The following CPNE1 variants were observed in gnomAD, a reference collection of about 807,000 sequenced individuals.
CPNE1 encodes copine-1.
A neutral mutation model predicts 63.2 loss-of-function variants in CPNE1; 58 were observed. That is an observed-to-expected ratio of 0.92 (90% CI 0.74 to 1.14). CPNE1 has a LOEUF of 1.14. Among genes scored for constraint, CPNE1 ranks in the 50% most tolerant of loss-of-function variants. CPNE1 has a pLI of 0.00. For missense variants in CPNE1, 672 were observed against 661.7 expected (o/e 1.02, Z -0.17); for synonymous variants, 237 against 249.0 (o/e 0.95, Z 0.45).
intron 1 of CPNE1, chr20:35,658,808 C>T: frequency 9.9e-6 from 4 of 403,812 alleles, no homozygotes; most frequent in South Asian, 2.5e-5. Flanking sequence ...CAAAAACACA[C>T]ACACACACAC....
chr20:35,632,556 A>G lies in CPNE1; in HGVS notation c.270T>C (p.Asp90=). The change falls in exon 3 of 16, where the codon GAT becomes GAC. Residue 90 remains aspartate (D), a synonymous_variant. Transcript: ENST00000397443. ...DIDNKTPELR[D]DDFLGGAECS... ...ACTCAGCACCCCCTAGGAAGTCATC[A>G]TCCCTCAGCTCTGGCGTCTTGTTGT... 1 of 1,614,074 alleles carries G rather than the reference A, an allele frequency of 6.2e-7. No homozygotes were observed. Among genetic ancestry groups the G allele is most frequent in the Non-Finnish European group, 8.5e-7 (1 of 1,179,962 alleles).
chr20:35,630,496 G>A lies in CPNE1; in HGVS notation c.1051-6C>T. 1 of 1,614,032 alleles carries A rather than the reference G, an allele frequency of 6.2e-7. No homozygotes were observed. Among genetic ancestry groups the A allele is most frequent in the Non-Finnish European group, 8.5e-7 (1 of 1,179,934 alleles). On this transcript the variant is annotated splice_polypyrimidine_tract_variant and splice_region_variant and intron_variant, in intron 12 of 15. Coordinates refer to ENST00000397443, the MANE Select transcript of CPNE1 (RefSeq NM_152925.3). ...AAGGCAAATTCATGCGAGACCTGGA[G>A]ACAAGAATGAAAATGAGGTTCTTTC...
chr20:35,635,948 C>T (rs1209420654), intron 1 of CPNE1, among the ~76,000 whole-genome samples: 1 of 152,168 alleles, frequency 6.6e-6, no homozygotes, highest in Non-Finnish European at 1.5e-5. Context: ...TCTTACAATC[C>T]AATCATCAGA....
At chr20:35,652,300 C>A in intron 1 of CPNE1, 1 of 486,642 alleles carries the variant, frequency 2.1e-6, no homozygotes, top group Non-Finnish European at 3.6e-6. Context: ...ATGCCAAAAT[C>A]ATTTATGTGT....
chr20:35,628,851 G>A (rs1038612946), intron 13 of CPNE1, among the ~76,000 whole-genome samples: 3 of 152,184 alleles, frequency 2.0e-5, no homozygotes, highest in African/African-American at 7.2e-5. Flanking sequence ...GATAATGTAA[G>A]AAAGAGTCTT....
intron 1 of CPNE1, among the ~76,000 whole-genome samples, chr20:35,641,448 A>G (rs1426748124): frequency 6.6e-6 from 1 of 152,222 alleles, no homozygotes; most frequent in African/African-American, 2.4e-5. Context: ...CTTCCTAGCC[A>G]CAATAATGAC....
At chr20:35,649,296 A>G (rs1353913743) in intron 1 of CPNE1, 1 of 152,200 alleles carries the variant, frequency 6.6e-6, no homozygotes, top group Admixed American at 6.5e-5. Flanking sequence ...CCATACCTGT[A>G]CACAACCACA....
At chr20:35,654,519 C>T in intron 1 of CPNE1, 1 of 1,614,156 alleles carries the variant, frequency 6.2e-7, no homozygotes, top group South Asian at 1.1e-5. Flanking sequence ...GATTATTGTT[C>T]AAATTCATAG....
chr20:35,656,873 A>C (rs2033931119), intron 1 of CPNE1, among the ~76,000 whole-genome samples: 1 of 147,404 alleles, frequency 6.8e-6, no homozygotes, highest in African/African-American at 2.4e-5. Flanking sequence ...GTTATAAATT[A>C]ATGAAGAGAT....
At chr20:35,635,854 C>T (rs1044979811) in intron 1 of CPNE1, among the ~76,000 whole-genome samples, 2 of 152,204 alleles carry the variant, frequency 1.3e-5, no homozygotes, top group Non-Finnish European at 2.9e-5. Flanking sequence ...AGTTGGAATG[C>T]TTCAGAGTTC....
intron 1 of CPNE1, among the ~76,000 whole-genome samples, chr20:35,640,680 G>A (rs1005466768): frequency 6.6e-6 from 1 of 151,948 alleles, no homozygotes; most frequent in Non-Finnish European, 1.5e-5. Context: ...TTCTCCTCTT[G>A]GACTGTAACT....
At chr20:35,627,141 T>G in intron 14 of CPNE1, 139 bp downstream of exon 14, 2 of 819,346 alleles carry the variant, frequency 2.4e-6, no homozygotes, top group Non-Finnish European at 1.8e-6. Context: ...TGAGCTGAGA[T>G]CGCGTCACTG....
rs758755910 is a variant in CPNE1, at chr20:35,632,709, G to A, written c.130-13C>T. On this transcript the variant is annotated splice_polypyrimidine_tract_variant and intron_variant, in intron 2 of 15. Coordinates refer to ENST00000397443, the MANE Select transcript of CPNE1 (RefSeq NM_152925.3). ...CAGTCCGGCCAAGCTGTGGGCAGAG[G>A]CCAGTAAGCATCACAGTCACAGCCT... 2.6e-5 allele frequency: 24 copies of A among 917,316 alleles called. No homozygotes were observed. The South Asian group carries it at 3.0e-4, about 11-fold the overall frequency. The allele number at this position is 917,316 out of a possible 1,614,324, so 56.8% of individuals were successfully genotyped here.
chr20:35,627,384 G>A lies in CPNE1; in HGVS notation c.1132C>T (p.Gln378Ter). 1 of 1,614,044 alleles carries A rather than the reference G, an allele frequency of 6.2e-7. No homozygotes were observed. Among genetic ancestry groups the A allele is most frequent in the Non-Finnish European group, 8.5e-7 (1 of 1,179,994 alleles). Residue 378 changes from glutamine (Q) to a stop codon, truncating the protein, a stop_gained, in exon 14 of 16, where the codon CAA becomes TAA. Transcript: ENST00000397443. LOFTEE classifies it high-confidence loss of function. ...GIQGIVDAYR[Q>*]ALPQVRLYGP... ...TAGAGGCGAACTTGGGGCAGGGCTT[G>A]GCGGTAGGCATCCACAATGCCCTGG...
rs775195557 is a variant in CPNE1, at chr20:35,654,268, G to A, written c.-1+10492C>T. On this transcript the variant is annotated intron_variant, in intron 1 of 15. Transcript: ENST00000397443. Reference sequence around the variant, plus strand: ...CAAAGCTTCAAATGTATCTTGAGGGGAGAGAAACTTAACCAATCCATTCCC... The same window carrying A: ...CAAAGCTTCAAATGTATCTTGAGGGAAGAGAAACTTAACCAATCCATTCCC... 6.2e-7 allele frequency: 1 copy of A among 1,614,198 alleles called. No homozygotes were observed. Among genetic ancestry groups the A allele is most frequent in the Non-Finnish European group, 8.5e-7 (1 of 1,180,040 alleles).
At chr20:35,652,466 C>A in intron 1 of CPNE1, 2 of 1,523,676 alleles carry the variant, frequency 1.3e-6, no homozygotes, top group East Asian at 2.3e-5. Context: ...GGAAAACAAT[C>A]TGGATGCATT....
At chr20:35,647,937 G>A (rs539073227) in intron 1 of CPNE1, among the ~76,000 whole-genome samples, 2 of 150,428 alleles carry the variant, frequency 1.3e-5, no homozygotes, top group Non-Finnish European at 2.9e-5. Flanking sequence ...TTGGCGGCAC[G>A]CACCTATAGT....
intron 1 of CPNE1, chr20:35,653,455 T>C (rs2033684564): frequency 6.2e-7 from 1 of 1,614,172 alleles, no homozygotes; most frequent in Non-Finnish European, 8.5e-7. Context: ...CTCTCTCATA[T>C]CTTCTAGGGT....
intron 1 of CPNE1, among the ~76,000 whole-genome samples, chr20:35,640,141 C>T (rs1394173971): frequency 6.6e-6 from 1 of 152,152 alleles, no homozygotes; most frequent in Non-Finnish European, 1.5e-5. Flanking sequence ...CAAATCTTTT[C>T]CATCTGTAGT....
Sources: gnomAD v4.1 joint callset for allele counts (sites outside exome capture counted in the v4.1 genomes callset) on GRCh38, gnomAD v4.1.1 for gene constraint, MANE v1.5 for transcripts, NCBI Gene and HGNC (gene_info 2026-07-23, HGNC 2026-07-21) for gene names.